Variants in DIAPH3 observed in about 807,000 individuals in gnomAD.
The protein encoded by DIAPH3 is diaphanous related formin 3, also known as protein diaphanous homolog 3.
DIAPH3 carries 117 observed loss-of-function variants against 144.3 expected under a neutral mutation model. The observed-to-expected ratio is 0.81, with a 90% confidence interval of 0.70 to 0.95. The LOEUF (loss-of-function observed/expected upper bound fraction) is 0.95. Ranked by LOEUF, DIAPH3 falls within the 40% of genes least tolerant of loss-of-function variation. DIAPH3 has a pLI of 0.00. For synonymous variants in DIAPH3, 519 were observed against 488.9 expected, an observed-to-expected ratio of 1.06 and a Z score of -0.81; for missense variants, 1,421 against 1,412.7, an observed-to-expected ratio of 1.01 and a Z score of -0.09.
intron 5 of DIAPH3, among the ~76,000 whole-genome samples, chr13:60,029,219 C>T (rs930644023): frequency 2.6e-5 from 4 of 152,036 alleles, no homozygotes; most frequent in African/African-American, 9.7e-5. Context: ...ACATCCAATC[C>T]ACCAACAGGT....
At chr13:59,844,444 C>T (rs113387690) in intron 22 of DIAPH3, among the ~76,000 whole-genome samples, 56 of 147,906 alleles carry the variant, frequency 3.8e-4, no homozygotes, top group Non-Finnish European at 6.4e-4. Context: ...GCAAAGCTTG[C>T]AGTGAGCTGA....
intron 4 of DIAPH3, among the ~76,000 whole-genome samples, chr13:60,067,528 G>A (rs535171743): frequency 6.6e-6 from 1 of 152,242 alleles, no homozygotes; most frequent in East Asian, 1.9e-4. Flanking sequence ...ATTAGACTTA[G>A]ATATGCCATT....
At chr13:59,893,966 T>C (rs1228494339) in intron 20 of DIAPH3, among the ~76,000 whole-genome samples, 2 of 152,148 alleles carry the variant, frequency 1.3e-5, no homozygotes, top group South Asian at 2.1e-4. Flanking sequence ...TTTTTATTCT[T>C]TGTTTCTACG....
intron 22 of DIAPH3, among the ~76,000 whole-genome samples, chr13:59,854,686 G>C (rs923322415): frequency 6.6e-6 from 1 of 152,134 alleles, no homozygotes; most frequent in Non-Finnish European, 1.5e-5. Context: ...AAGTGTAAGA[G>C]AGTTCTAAAA....
chr13:59,759,762 G>C (rs1230645886), intron 27 of DIAPH3, among the ~76,000 whole-genome samples: 2 of 152,164 alleles, frequency 1.3e-5, no homozygotes, highest in African/African-American at 4.8e-5. Context: ...TGGCCAACAT[G>C]GTGACACCCC....
chr13:59,777,964 G>A (rs1666909617), intron 25 of DIAPH3, among the ~76,000 whole-genome samples: 1 of 152,124 alleles, frequency 6.6e-6, no homozygotes, highest in South Asian at 2.1e-4. Flanking sequence ...TATGGACTGG[G>A]TATCAGATAA....
At chr13:59,668,792 G>A (rs1476700769) in intron 27 of DIAPH3, among the ~76,000 whole-genome samples, 1 of 151,336 alleles carries the variant, frequency 6.6e-6, no homozygotes, top group Non-Finnish European at 1.5e-5. Flanking sequence ...TAATGAACTT[G>A]GTAGGCAAAT....
At chr13:60,008,234 A>G (rs1279560621) in intron 9 of DIAPH3, among the ~76,000 whole-genome samples, 1 of 152,062 alleles carries the variant, frequency 6.6e-6, no homozygotes, top group Non-Finnish European at 1.5e-5. Context: ...TCTACTAAAA[A>G]TACAAAAAAA....
At chr13:59,931,390 C>T (rs1052075840) in intron 17 of DIAPH3, among the ~76,000 whole-genome samples, 1 of 152,156 alleles carries the variant, frequency 6.6e-6, no homozygotes, top group African/African-American at 2.4e-5. Context: ...CTGTTAAAAA[C>T]TTAGTGGCAA....
chr13:59,967,355 G>A (rs1403415243), intron 17 of DIAPH3, among the ~76,000 whole-genome samples: 2 of 151,938 alleles, frequency 1.3e-5, no homozygotes, highest in African/African-American at 2.4e-5. Flanking sequence ...GATTACAGGC[G>A]GGAGCCATTG....
intron 22 of DIAPH3, among the ~76,000 whole-genome samples, chr13:59,846,338 A>G (rs78471377): frequency 0.036 from 5,479 of 152,258 alleles, 154 homozygotes; most frequent in South Asian, 0.11. Context: ...ACATCATGAT[A>G]CAATCCAGGG....
chr13:60,075,144 G>A (rs956034118), intron 4 of DIAPH3, among the ~76,000 whole-genome samples: 5 of 152,026 alleles, frequency 3.3e-5, no homozygotes, highest in Non-Finnish European at 7.4e-5. Flanking sequence ...TATTATGACA[G>A]ACAAAAAATG....
At chr13:59,720,596 T>C (rs1420970605) in intron 27 of DIAPH3, among the ~76,000 whole-genome samples, 5 of 152,158 alleles carry the variant, frequency 3.3e-5, no homozygotes, top group Non-Finnish European at 1.5e-5. Flanking sequence ...GTATTCTGCA[T>C]GTGGCTGGTG....
At chr13:59,876,330 T>C (rs987474312) in intron 21 of DIAPH3, among the ~76,000 whole-genome samples, 7 of 152,192 alleles carry the variant, frequency 4.6e-5, no homozygotes, top group African/African-American at 1.4e-4. Flanking sequence ...ATTTATTTTG[T>C]TTCTTCCACA....
chr13:59,902,446 A>G (rs1295048783), intron 20 of DIAPH3, among the ~76,000 whole-genome samples: 2 of 152,140 alleles, frequency 1.3e-5, no homozygotes, highest in Admixed American at 6.5e-5. Flanking sequence ...TGCTTCCTGT[A>G]AGGCTCGCAG....
intron 27 of DIAPH3, among the ~76,000 whole-genome samples, chr13:59,706,017 T>C (rs986714079): frequency 9.9e-5 from 15 of 151,924 alleles, no homozygotes; most frequent in African/African-American, 3.6e-4. Flanking sequence ...GGGATTGTTC[T>C]AGGACCTCCC....
intron 22 of DIAPH3, among the ~76,000 whole-genome samples, chr13:59,857,956 A>G (rs1183602641): frequency 6.6e-6 from 1 of 152,182 alleles, no homozygotes; most frequent in Non-Finnish European, 1.5e-5. Flanking sequence ...TTTTTCAAGT[A>G]AACAAAATTT....
rs1268352929 is a variant in DIAPH3, at chr13:60,122,154, T to A, written c.214-9968A>T. Among the ~76,000 whole-genome samples the A allele has an allele frequency of 2.0e-5, 3 of 152,180 alleles. No homozygotes were observed. In the East Asian group the frequency reaches 5.8e-4, roughly 29 times the overall value. On this transcript the variant is annotated intron_variant, in intron 2 of 27. Coordinates refer to ENST00000400324, the MANE Select transcript of DIAPH3 (RefSeq NM_001042517.2). ...TCTTGATCTGAACATATTTCCTCTCTAGACAATCTTTTCACCACTCCACCA... is the reference window on the plus strand; with the variant it reads ...TCTTGATCTGAACATATTTCCTCTCAAGACAATCTTTTCACCACTCCACCA...
Position 60,099,509 on chromosome 13 carries a change from T to C in DIAPH3, c.391-5777A>G, listed in dbSNP as rs114834452. 5.8e-3 allele frequency among the ~76,000 whole-genome samples: 879 copies of C among 152,268 alleles called. 12 individuals are homozygous for C. The highest frequency in any genetic ancestry group is 0.02 in the African/African-American group (828 of 41,556). ...CAGGGGAGCTGCAGCTCTCAGTTGCTGCCCCACGTCACAAGAGAGTGTCAA... is the reference window on the plus strand; with the variant it reads ...CAGGGGAGCTGCAGCTCTCAGTTGCCGCCCCACGTCACAAGAGAGTGTCAA... On this transcript the variant is annotated intron_variant, in intron 3 of 27. Coordinates refer to ENST00000400324, the MANE Select transcript of DIAPH3 (RefSeq NM_001042517.2).
Sources: gnomAD v4.1 joint callset for allele counts (sites outside exome capture counted in the v4.1 genomes callset) on GRCh38, gnomAD v4.1.1 for gene constraint, MANE v1.5 for transcripts, NCBI Gene and HGNC (gene_info 2026-07-23, HGNC 2026-07-21) for gene names.